Variants in PCDHGB4 observed in about 807,000 individuals in gnomAD.
The protein encoded by PCDHGB4 is protocadherin gamma-B4.
Under a neutral mutation model 60.5 loss-of-function variants are expected in PCDHGB4, and 38 were observed. That is an observed-to-expected ratio of 0.63 (90% CI 0.48 to 0.82). The LOEUF is 0.82. PCDHGB4 is among the 40% of genes least tolerant of loss of function. PCDHGB4 has a pLI of 0.00. For missense variants in PCDHGB4, 1,109 were observed against 1,209.6 expected, an observed-to-expected ratio of 0.92 and a Z score of 1.23; for synonymous variants, 456 against 509.7, an observed-to-expected ratio of 0.89 and a Z score of 1.42.
chr5:141,400,491 T>A, intron 1 of PCDHGB4: 1 of 1,614,080 alleles, frequency 6.2e-7, no homozygotes, highest in Non-Finnish European at 8.5e-7. Flanking sequence ...TTCCACTTTG[T>A]AATTCCAGCG....
intron 1 of PCDHGB4, chr5:141,399,788 A>T: frequency 6.2e-7 from 1 of 1,613,174 alleles, no homozygotes; most frequent in South Asian, 1.1e-5. Context: ...CGAAACGACA[A>T]CGCACCGCGG....
intron 1 of PCDHGB4, chr5:141,421,565 A>T (rs1373619696): frequency 1.2e-6 from 2 of 1,613,834 alleles, no homozygotes; most frequent in Admixed American, 3.3e-5. Context: ...CTCGTGGAAG[A>T]CACCTTGAAG....
At position 141,485,709 on chromosome 5, in the gene PCDHGB4, C is replaced by A. The variant is rs2099618118; in HGVS notation, c.2398-9098C>A. On this transcript the variant is annotated intron_variant, in intron 1 of 3. Transcript: ENST00000519479. This position sits in a 1 kb window ranked among gnomAD's most constrained non-coding sequence, Gnocchi z 5.7. ...AGGCTGAGCTCCAATGAACACTTTGCACTGGATGTGAAGAAGCGCAGCGAC... is the reference window on the plus strand; with the variant it reads ...AGGCTGAGCTCCAATGAACACTTTGAACTGGATGTGAAGAAGCGCAGCGAC... The A allele has an allele frequency of 1.2e-6, 2 of 1,614,128 alleles. No homozygotes were observed. The highest frequency in any genetic ancestry group is 1.7e-6 in the Non-Finnish European group (2 of 1,180,028).
chr5:141,492,948 CA>C (rs2099745260), intron 1 of PCDHGB4, among the ~76,000 whole-genome samples: 1 of 152,188 alleles, frequency 6.6e-6, no homozygotes, highest in Non-Finnish European at 1.5e-5. Flanking sequence ...TGGAGGTGAC[CA>C]AACTATCTGA....
In PCDHGB4 at chr5:141,485,354, G is replaced by C; in HGVS notation, c.2398-9453G>C. 7 of 1,614,176 alleles carry C rather than the reference G, an allele frequency of 4.3e-6. No homozygotes were observed. Among genetic ancestry groups the C allele is most frequent in the Non-Finnish European group, 5.1e-6 (6 of 1,180,024 alleles). Reference sequence around the variant, plus strand: ...CCTGCTGGATACGGACAGTCTGTCAGCTCGCAGGCTGCAGGTCGCTGGAGA... The same window carrying C: ...CCTGCTGGATACGGACAGTCTGTCACCTCGCAGGCTGCAGGTCGCTGGAGA... On this transcript the variant is annotated intron_variant, in intron 1 of 3. Transcript: ENST00000519479. This position sits in a 1 kb window ranked among gnomAD's most constrained non-coding sequence, Gnocchi z 5.7.
chr5:141,404,683 GGCACCCCGCTCT>G (rs1306876302), intron 1 of PCDHGB4: 2 of 1,614,070 alleles, frequency 1.2e-6, no homozygotes, highest in Admixed American at 1.7e-5. Context: ...GTGTGGAGCT[GGCACCCCGCTCT>G]GCAGAGCCTG....
intron 1 of PCDHGB4, among the ~76,000 whole-genome samples, chr5:141,446,128 G>A (rs1242643475): frequency 3.3e-5 from 5 of 152,188 alleles, no homozygotes; most frequent in Non-Finnish European, 7.3e-5. Flanking sequence ...GGTTCAATAA[G>A]ACTTAATAAT....
In PCDHGB4 at chr5:141,489,255, A is replaced by G. The variant is rs909780010; in HGVS notation, c.2398-5552A>G. 2 of 1,548,804 alleles carry G rather than the reference A, an allele frequency of 1.3e-6. No individual in the cohort carries two copies. Among genetic ancestry groups the G allele is most frequent in the Non-Finnish European group, 1.7e-6 (2 of 1,147,848 alleles). On this transcript the variant is annotated intron_variant, in intron 1 of 3. Coordinates refer to ENST00000519479, the MANE Select transcript of PCDHGB4 (RefSeq NM_003736.4). The surrounding 1 kb of genome is among the most constrained non-coding windows in gnomAD (Gnocchi z 4.5). ...ACTTCTGGGTCATGGGGCCCAAGAC[A>G]CTCCCACAGCTCGCTGGGAAATGGC...
intron 1 of PCDHGB4, among the ~76,000 whole-genome samples, chr5:141,473,431 G>C (rs541546681): frequency 6.6e-6 from 1 of 152,148 alleles, no homozygotes; most frequent in South Asian, 2.1e-4. Context: ...CAGATACTTT[G>C]CTTATGCAAA....
Position 141,493,788 on chromosome 5 carries a change from C to A in PCDHGB4, c.2398-1019C>A, listed in dbSNP as rs2099750132. On this transcript the variant is annotated intron_variant, in intron 1 of 3. Transcript: ENST00000519479. This position sits in a 1 kb window ranked among gnomAD's most constrained non-coding sequence, Gnocchi z 4.3. ...ACTGGCAGTTCCGGAGCTTCCTTCT[C>A]CCTGGAGTAATCTGAGATACTCACA... 6.6e-6 allele frequency among the ~76,000 whole-genome samples: 1 copy of A among 152,162 alleles called. No homozygotes were observed. The highest frequency in any genetic ancestry group is 1.5e-5 in the Non-Finnish European group (1 of 68,026).
At chr5:141,430,313 G>A (rs1018901791) in intron 1 of PCDHGB4, among the ~76,000 whole-genome samples, 1 of 150,204 alleles carries the variant, frequency 6.7e-6, no homozygotes, top group South Asian at 2.1e-4. Context: ...AACATTATAA[G>A]ATTAAAATCA....
Position 141,491,895 on chromosome 5 carries a change from A to G in PCDHGB4, c.2398-2912A>G. On this transcript the variant is annotated intron_variant, in intron 1 of 3. Transcript: ENST00000519479. This position sits in a 1 kb window ranked among gnomAD's most constrained non-coding sequence, Gnocchi z 6.9. Reference sequence around the variant, plus strand: ...CCGATTAAGGGATGGGGCTCCGAGCACCGGGGGTGGTGGCGACTGTGGGCG... The same window carrying G: ...CCGATTAAGGGATGGGGCTCCGAGCGCCGGGGGTGGTGGCGACTGTGGGCG... 7.0e-7 allele frequency: 1 copy of G among 1,434,306 alleles called. No homozygotes were observed. The highest frequency in any genetic ancestry group is 9.2e-7 in the Non-Finnish European group (1 of 1,084,904). 88.8% of individuals were successfully genotyped at this position (1,434,306 alleles called of 1,614,324 possible). A position where few individuals can be genotyped will look rare whatever the true frequency, so the allele number is the denominator to read the frequency against.
chr5:141,490,933 C>T lies in PCDHGB4; in HGVS notation c.2398-3874C>T, dbSNP rs781291690. ...CGAGAATGATAATGCCCCAGCTGTG[C>T]TGCACCCACGGCCAGACTGGGAACA... On this transcript the variant is annotated intron_variant, in intron 1 of 3. Transcript: ENST00000519479. The surrounding 1 kb of genome is among the most constrained non-coding windows in gnomAD (Gnocchi z 5.4). 5.0e-6 allele frequency: 8 copies of T among 1,613,702 alleles called. No individual in the cohort carries two copies. The highest frequency in any genetic ancestry group is 5.9e-6 in the Non-Finnish European group (7 of 1,179,770).
intron 1 of PCDHGB4, chr5:141,414,177 T>G (rs370827396): frequency 1.7e-5 from 28 of 1,607,906 alleles, no homozygotes; most frequent in Non-Finnish European, 2.2e-5. Flanking sequence ...ATCTTGCAAC[T>G]GCAAAAGTGT....
intron 1 of PCDHGB4, chr5:141,399,551 T>C: frequency 6.2e-7 from 1 of 1,614,052 alleles, no homozygotes; most frequent in Non-Finnish European, 8.5e-7. Context: ...GCCTCGGACC[T>C]GGACTTGGGG....
At chr5:141,400,773 T>A in intron 1 of PCDHGB4, 1 of 572,450 alleles carries the variant, frequency 1.7e-6, no homozygotes, top group East Asian at 2.9e-5. Flanking sequence ...AAACATTTGG[T>A]GCGTTTTTTT....
intron 1 of PCDHGB4, among the ~76,000 whole-genome samples, chr5:141,449,606 A>AG (rs1263111904): frequency 2.0e-5 from 3 of 150,702 alleles, no homozygotes; most frequent in Non-Finnish European, 3.0e-5. Flanking sequence ...AAAAAAAAAA[A>AG]AGTAAAAAAG....
At chr5:141,441,703 A>C (rs1329703451) in intron 1 of PCDHGB4, 2 of 312,092 alleles carry the variant, frequency 6.4e-6, no homozygotes, top group Non-Finnish European at 1.3e-5. Context: ...CGAGCCTTCA[A>C]GCTCACGCTG....
chr5:141,415,206 G>A, intron 1 of PCDHGB4: 4 of 1,614,054 alleles, frequency 2.5e-6, no homozygotes, highest in African/African-American at 1.3e-5. Flanking sequence ...AAGTCCTGGC[G>A]GACCTCGGCA....
Sources: allele counts gnomAD v4.1 joint callset (sites outside exome capture counted in the v4.1 genomes callset), GRCh38; gene constraint gnomAD v4.1.1; non-coding constraint Gnocchi (gnomAD v3.1); transcripts MANE v1.5; gene names NCBI Gene and HGNC (gene_info 2026-07-23, HGNC 2026-07-21).